Variants in PCSK5 observed in about 807,000 individuals in gnomAD.
PCSK5 encodes the protein proprotein convertase subtilisin/kexin type 5, also known as prohormone convertase 5.
A neutral mutation model predicts 233.2 loss-of-function variants in PCSK5; 129 were observed. The ratio of observed to expected loss-of-function variants is 0.55; its 90% confidence interval spans 0.48 to 0.64. The LOEUF is 0.64. Ranked by LOEUF, PCSK5 falls within the 30% of genes least tolerant of loss-of-function variation. PCSK5 has a pLI of 0.00. For missense variants in PCSK5, 2,076 were observed against 2,430.1 expected, an observed-to-expected ratio of 0.85 and a Z score of 3.06; for synonymous variants, 825 against 879.2, an observed-to-expected ratio of 0.94 and a Z score of 1.09.
chr9:75,920,061 T>A (rs1253037264), intron 1 of PCSK5, among the ~76,000 whole-genome samples: 1 of 151,984 alleles, frequency 6.6e-6, no homozygotes, highest in African/African-American at 2.4e-5. Context: ...CCCAACTACT[T>A]GGGAGGCTGG....
chr9:76,072,766 G>A (rs866172719), intron 7 of PCSK5, among the ~76,000 whole-genome samples: 4 of 152,024 alleles, frequency 2.6e-5, no homozygotes, highest in Middle Eastern at 3.4e-3. Context: ...CATAGCTCCC[G>A]TGCCCCATCC....
intron 3 of PCSK5, among the ~76,000 whole-genome samples, chr9:75,992,232 C>G (rs561226855): frequency 6.6e-6 from 1 of 152,132 alleles, no homozygotes; most frequent in African/African-American, 2.4e-5. Context: ...TCATCACTTG[C>G]GCTGAATTCG....
intron 36 of PCSK5, among the ~76,000 whole-genome samples, chr9:76,352,538 T>C (rs774645868): frequency 6.6e-6 from 1 of 152,096 alleles, no homozygotes; most frequent in Non-Finnish European, 1.5e-5. Flanking sequence ...AGCTAATTTT[T>C]TGTATTTTTA....
intron 12 of PCSK5, among the ~76,000 whole-genome samples, chr9:76,161,944 C>T (rs574943359): frequency 8.1e-4 from 123 of 152,268 alleles, no homozygotes; most frequent in Non-Finnish European, 1.0e-4. Context: ...AAGTTTGCTC[C>T]CAGAATGTGT....
chr9:76,154,679 C>T (rs1306679971), intron 10 of PCSK5, among the ~76,000 whole-genome samples: 2 of 152,116 alleles, frequency 1.3e-5, no homozygotes, highest in African/African-American at 4.8e-5. Context: ...TATTTAAGGA[C>T]TGATCGGAGG....
intron 24 of PCSK5, among the ~76,000 whole-genome samples, chr9:76,244,875 A>G (rs1281532404): frequency 6.6e-6 from 1 of 152,220 alleles, no homozygotes; most frequent in Non-Finnish European, 1.5e-5. Context: ...AAACAAATAG[A>G]TAACATTTTA....
chr9:76,213,158 TTC>T (rs1825393699), intron 20 of PCSK5, among the ~76,000 whole-genome samples: 1 of 152,244 alleles, frequency 6.6e-6, no homozygotes, highest in South Asian at 2.1e-4. Flanking sequence ...GACTCAGATC[TTC>T]TCTCTTTTCA....
At chr9:76,200,785 G>A (rs1003112741) in intron 20 of PCSK5, among the ~76,000 whole-genome samples, 1 of 152,202 alleles carries the variant, frequency 6.6e-6, no homozygotes, top group Admixed American at 6.5e-5. Context: ...AGGGCAGGCA[G>A]CTTGGGAGAA....
intron 10 of PCSK5, among the ~76,000 whole-genome samples, chr9:76,154,488 G>A (rs1001183727): frequency 5.3e-5 from 8 of 152,134 alleles, no homozygotes; most frequent in Non-Finnish European, 1.2e-4. Flanking sequence ...AAGCATGGGC[G>A]CTCAGGTGGG....
intron 1 of PCSK5, among the ~76,000 whole-genome samples, chr9:75,896,790 T>A (rs1345394142): frequency 6.6e-6 from 1 of 152,216 alleles, no homozygotes; most frequent in African/African-American, 2.4e-5. Context: ...ATGCACAGCA[T>A]ATATATGTCA....
chr9:75,999,312 C>T (rs976700934), intron 3 of PCSK5, among the ~76,000 whole-genome samples: 3 of 151,986 alleles, frequency 2.0e-5, no homozygotes, highest in South Asian at 4.2e-4. Context: ...CCTAACCCAG[C>T]GGGGCTAGAG....
chr9:75,923,885 T>G (rs1391855525), intron 1 of PCSK5, among the ~76,000 whole-genome samples: 1 of 152,164 alleles, frequency 6.6e-6, no homozygotes, highest in East Asian at 1.9e-4. Context: ...GCCAGCAGCA[T>G]AGCATTTTCA....
chr9:75,901,234 A>G (rs1389976204), intron 1 of PCSK5, among the ~76,000 whole-genome samples: 1 of 152,216 alleles, frequency 6.6e-6, no homozygotes, highest in South Asian at 2.1e-4. Context: ...ATGCCCATCA[A>G]TTATAGACTG....
intron 30 of PCSK5, among the ~76,000 whole-genome samples, chr9:76,320,598 C>T (rs1387296524): frequency 6.0e-5 from 9 of 150,088 alleles, no homozygotes; most frequent in Non-Finnish European, 1.3e-4. Context: ...CTCAGCCTCC[C>T]GAGTAGCTGG....
At chr9:76,272,714 G>A (rs1165992746) in intron 24 of PCSK5, among the ~76,000 whole-genome samples, 1 of 133,102 alleles carries the variant, frequency 7.5e-6, no homozygotes, top group African/African-American at 2.8e-5. Context: ...GGCAGAGATT[G>A]CAGTGAGCCG....
chr9:76,028,719 T>C (rs1419055262), intron 5 of PCSK5, among the ~76,000 whole-genome samples: 1 of 152,102 alleles, frequency 6.6e-6, no homozygotes, highest in African/African-American at 2.4e-5. Context: ...TAATTTCTAA[T>C]CTCATAGCTA....
chr9:75,894,759 C>T (rs1056483675), intron 1 of PCSK5, among the ~76,000 whole-genome samples: 2 of 152,096 alleles, frequency 1.3e-5, no homozygotes, highest in Non-Finnish European at 2.9e-5. Context: ...TGCCTATTGA[C>T]CTGCACGGGA....
intron 14 of PCSK5, chr9:76,175,446 A>C: frequency 2.5e-6 from 1 of 406,934 alleles, no homozygotes; most frequent in Non-Finnish European, 4.3e-6. Flanking sequence ...CTGCAAAGCT[A>C]ATAGTCCATA....
At chr9:76,094,496 T>G (rs1052818170) in intron 7 of PCSK5, among the ~76,000 whole-genome samples, 8 of 152,206 alleles carry the variant, frequency 5.3e-5, no homozygotes, top group Non-Finnish European at 1.0e-4. Flanking sequence ...TACTTTCCAT[T>G]TTGGCTTAAT....
Sources: allele counts gnomAD v4.1 joint callset (sites outside exome capture counted in the v4.1 genomes callset), GRCh38; gene constraint gnomAD v4.1.1; transcripts MANE v1.5; gene names NCBI Gene and HGNC (gene_info 2026-07-23, HGNC 2026-07-21).